CRACD: variants seen among roughly 807,000 people sequenced by gnomAD.
CRACD encodes capping protein-inhibiting regulator of actin dynamics.
Under a neutral mutation model 106.8 loss-of-function variants are expected in CRACD, and 56 were observed. That is an observed-to-expected ratio of 0.52 (90% CI 0.42 to 0.66). The LOEUF is 0.66. Among genes scored for constraint, CRACD ranks in the 30% least tolerant of loss-of-function variants. The pLI is 0.00. For missense variants in CRACD, 1,730 were observed against 1,623.2 expected, an observed-to-expected ratio of 1.07 and a Z score of -1.13; for synonymous variants, 754 against 670.8, an observed-to-expected ratio of 1.12 and a Z score of -1.92.
chr4:56,072,077 G>A (rs113799684), intron 1 of CRACD, among the ~76,000 whole-genome samples: 46,528 of 147,888 alleles, frequency 0.31, 8,153 homozygotes, highest in African/African-American at 0.49. Flanking sequence ...GCAGTGAGCC[G>A]AGATCGCGCC....
chr4:56,289,258 A>C (rs1470771251), intron 3 of CRACD, among the ~76,000 whole-genome samples: 1 of 152,218 alleles, frequency 6.6e-6, no homozygotes, highest in African/African-American at 2.4e-5. Context: ...AAAATGTTAA[A>C]ATACTAAATT....
At chr4:56,078,950 T>G (rs1732932362) in intron 1 of CRACD, among the ~76,000 whole-genome samples, 1 of 152,150 alleles carries the variant, frequency 6.6e-6, no homozygotes, top group Non-Finnish European at 1.5e-5. Flanking sequence ...TGGGAGAGAC[T>G]GGATTATTTA....
chr4:56,279,625 A>G (rs1742899494), intron 3 of CRACD, among the ~76,000 whole-genome samples: 1 of 152,332 alleles, frequency 6.6e-6, no homozygotes, highest in East Asian at 1.9e-4. Flanking sequence ...AATGGCGATC[A>G]TTAAAAAGTC....
At chr4:56,118,469 A>T (rs189848728) in intron 1 of CRACD, among the ~76,000 whole-genome samples, 43 of 152,378 alleles carry the variant, frequency 2.8e-4, no homozygotes, top group African/African-American at 1.0e-3. Context: ...TAAGTGGGGC[A>T]GTCGAGCCAC....
chr4:56,071,346 T>C (rs1332729333), intron 1 of CRACD, among the ~76,000 whole-genome samples: 1 of 152,162 alleles, frequency 6.6e-6, no homozygotes, highest in Non-Finnish European at 1.5e-5. Flanking sequence ...CAATTTCCTG[T>C]GGTGAAAGTA....
At chr4:56,251,780 A>G (rs764881195) in intron 2 of CRACD, among the ~76,000 whole-genome samples, 3 of 152,192 alleles carry the variant, frequency 2.0e-5, no homozygotes, top group Admixed American at 6.5e-5. Context: ...TTTGCATACA[A>G]TGCTTTTGCT....
At chr4:56,201,042 T>G (rs1054349163) in intron 2 of CRACD, among the ~76,000 whole-genome samples, 2 of 152,232 alleles carry the variant, frequency 1.3e-5, no homozygotes, top group Non-Finnish European at 1.5e-5. Context: ...CAAACTCTTG[T>G]TCTTTTTTGG....
chr4:56,064,821 C>T (rs1732404118), intron 1 of CRACD, among the ~76,000 whole-genome samples: 1 of 152,162 alleles, frequency 6.6e-6, no homozygotes, highest in South Asian at 2.1e-4. Context: ...TGAAGTGAAA[C>T]TGCTTTCTAC....
At chr4:56,242,630 G>A (rs1740433362) in intron 2 of CRACD, among the ~76,000 whole-genome samples, 1 of 152,100 alleles carries the variant, frequency 6.6e-6, no homozygotes, top group African/African-American at 2.4e-5. Context: ...GACGTCGGGG[G>A]CCACAGGAGG....
intron 2 of CRACD, among the ~76,000 whole-genome samples, chr4:56,212,925 A>G (rs908694114): frequency 1.2e-4 from 18 of 152,188 alleles, no homozygotes; most frequent in Non-Finnish European, 2.6e-4. Flanking sequence ...AGTTTGCATC[A>G]GAAGTTTGCT....
At chr4:56,126,678 G>C (rs1459088310) in intron 1 of CRACD, among the ~76,000 whole-genome samples, 2 of 152,130 alleles carry the variant, frequency 1.3e-5, no homozygotes, top group Non-Finnish European at 2.9e-5. Context: ...GTAGATTGTA[G>C]ACCTAGAAAA....
At chr4:56,090,830 C>A (rs1162549738) in intron 1 of CRACD, among the ~76,000 whole-genome samples, 1 of 152,030 alleles carries the variant, frequency 6.6e-6, no homozygotes, top group Non-Finnish European at 1.5e-5. Flanking sequence ...TGGAGGAAGC[C>A]ACAGTTAGGG....
chr4:56,180,670 C>T (rs751861583), intron 2 of CRACD, among the ~76,000 whole-genome samples: 6 of 152,084 alleles, frequency 3.9e-5, no homozygotes, highest in East Asian at 3.9e-4. Context: ...TGACCTATTA[C>T]GATAACTACC....
intron 1 of CRACD, among the ~76,000 whole-genome samples, chr4:56,114,123 G>A (rs1734207553): frequency 1.3e-5 from 2 of 151,794 alleles, no homozygotes; most frequent in Admixed American, 1.3e-4. Flanking sequence ...GCAACCCATG[G>A]CTGATCTGGT....
chr4:56,194,415 A>G (rs1172613295), intron 2 of CRACD, among the ~76,000 whole-genome samples: 1 of 152,246 alleles, frequency 6.6e-6, no homozygotes, highest in Non-Finnish European at 1.5e-5. Context: ...AAAATTGAAT[A>G]AGGAACAACT....
At chr4:56,255,897 C>T (rs1467931838) in intron 2 of CRACD, among the ~76,000 whole-genome samples, 1 of 152,214 alleles carries the variant, frequency 6.6e-6, no homozygotes, top group African/African-American at 2.4e-5. Context: ...GGGCCCAGGA[C>T]AAGAGAATGT....
At chr4:56,186,487 T>G (rs1737099963) in intron 2 of CRACD, among the ~76,000 whole-genome samples, 1 of 152,134 alleles carries the variant, frequency 6.6e-6, no homozygotes, top group South Asian at 2.1e-4. Context: ...AACACCAACT[T>G]TAGAGTAACT....
intron 1 of CRACD, among the ~76,000 whole-genome samples, chr4:56,115,310 A>G (rs969569827): frequency 3.3e-5 from 5 of 152,222 alleles, no homozygotes; most frequent in Admixed American, 6.5e-5. Flanking sequence ...TCTTTTAAAA[A>G]TGACTGCATT....
intron 1 of CRACD, among the ~76,000 whole-genome samples, chr4:56,119,579 C>T (rs1433235307): frequency 6.6e-6 from 1 of 152,070 alleles, no homozygotes; most frequent in Non-Finnish European, 1.5e-5. Flanking sequence ...AAGTGATCTG[C>T]CTTCCTTGGC....
Sources: allele counts gnomAD v4.1 joint callset (sites outside exome capture counted in the v4.1 genomes callset), GRCh38; gene constraint gnomAD v4.1.1; transcripts MANE v1.5; gene names NCBI Gene and HGNC (gene_info 2026-07-23, HGNC 2026-07-21).